Variants in KCNH7 observed in about 807,000 individuals in gnomAD.
KCNH7 encodes voltage-gated inwardly rectifying potassium channel KCNH7.
Under a neutral mutation model 120.8 loss-of-function variants are expected in KCNH7, and 49 were observed. That is an observed-to-expected ratio of 0.41 (90% confidence interval 0.32 to 0.51). The LOEUF (loss-of-function observed/expected upper bound fraction) is 0.51. Ranked by LOEUF, KCNH7 falls within the 20% of genes least tolerant of loss-of-function variation. The pLI is 0.38. For missense variants in KCNH7, 1,097 were observed against 1,446.6 expected, an observed-to-expected ratio of 0.76 and a Z score of 3.92; for synonymous variants, 547 against 516.1, an observed-to-expected ratio of 1.06 and a Z score of -0.81.
At chr2:162,560,793 T>A (rs990654640) in intron 2 of KCNH7, among the ~76,000 whole-genome samples, 3 of 152,226 alleles carry the variant, frequency 2.0e-5, no homozygotes, top group African/African-American at 4.8e-5. Flanking sequence ...AATATAGTTT[T>A]ATTACTACAA....
intron 2 of KCNH7, among the ~76,000 whole-genome samples, chr2:162,660,905 C>A (rs1025750902): frequency 6.6e-6 from 1 of 152,104 alleles, no homozygotes; most frequent in African/African-American, 2.4e-5. Flanking sequence ...TTATTAGATA[C>A]CAGTAGACCC....
At chr2:162,825,502 G>C (rs948922486) in intron 2 of KCNH7, among the ~76,000 whole-genome samples, 4 of 151,748 alleles carry the variant, frequency 2.6e-5, no homozygotes, top group Non-Finnish European at 1.5e-5. Context: ...ATACCTTTTT[G>C]CTGTTATAAT....
intron 2 of KCNH7, among the ~76,000 whole-genome samples, chr2:162,631,574 T>C (rs1044311579): frequency 6.0e-5 from 9 of 151,120 alleles, no homozygotes; most frequent in Non-Finnish European, 1.2e-4. Flanking sequence ...GAAAAATCTG[T>C]GAAGAAAAAG....
intron 2 of KCNH7, among the ~76,000 whole-genome samples, chr2:162,728,670 T>C (rs1165121017): frequency 2.6e-5 from 4 of 152,046 alleles, no homozygotes; most frequent in Non-Finnish European, 4.4e-5. Flanking sequence ...CCTAGCTACT[T>C]GCAAGGCTGA....
intron 2 of KCNH7, among the ~76,000 whole-genome samples, chr2:162,552,547 A>G (rs1197095710): frequency 2.0e-5 from 3 of 152,200 alleles, no homozygotes; most frequent in Non-Finnish European, 4.4e-5. Context: ...TGCTGTGGAA[A>G]TGAAAGACTT....
At chr2:162,811,408 G>A (rs1684729052) in intron 2 of KCNH7, among the ~76,000 whole-genome samples, 1 of 152,192 alleles carries the variant, frequency 6.6e-6, no homozygotes, top group South Asian at 2.1e-4. Context: ...TAGGTATCGT[G>A]TTTGCCAAAG....
At chr2:162,412,164 C>T (rs1445347996) in intron 9 of KCNH7, among the ~76,000 whole-genome samples, 1 of 151,760 alleles carries the variant, frequency 6.6e-6, no homozygotes, top group Non-Finnish European at 1.5e-5. Flanking sequence ...TAGTTTTATT[C>T]TTTATTATCT....
chr2:162,500,996 G>T (rs1263038768), intron 6 of KCNH7, among the ~76,000 whole-genome samples: 1 of 152,080 alleles, frequency 6.6e-6, no homozygotes, highest in Non-Finnish European at 1.5e-5. Context: ...ATGAGTTATT[G>T]AAGAGCTCTG....
At chr2:162,683,834 GA>G (rs558789143) in intron 2 of KCNH7, among the ~76,000 whole-genome samples, 1 of 151,204 alleles carries the variant, frequency 6.6e-6, no homozygotes, top group Non-Finnish European at 1.5e-5. Flanking sequence ...TCACAAATTA[GA>G]AAAAAAATAC....
At chr2:162,603,018 C>T (rs1159401553) in intron 2 of KCNH7, among the ~76,000 whole-genome samples, 6 of 150,906 alleles carry the variant, frequency 4.0e-5, no homozygotes, top group African/African-American at 1.5e-4. Flanking sequence ...GCAGGGACTA[C>T]ACAGGGTTGG....
At chr2:162,582,839 G>A (rs1693923056) in intron 2 of KCNH7, among the ~76,000 whole-genome samples, 1 of 152,084 alleles carries the variant, frequency 6.6e-6, no homozygotes, top group Admixed American at 6.6e-5. Context: ...CAGATAAGGA[G>A]ATTAAACCTG....
chr2:162,488,220 C>T (rs1488636678), intron 6 of KCNH7, among the ~76,000 whole-genome samples: 1 of 152,178 alleles, frequency 6.6e-6, no homozygotes, highest in Non-Finnish European at 1.5e-5. Context: ...GTACTCAAGC[C>T]AAGTTAAATT....
At chr2:162,733,853 T>G (rs1687812737) in intron 2 of KCNH7, among the ~76,000 whole-genome samples, 1 of 152,188 alleles carries the variant, frequency 6.6e-6, no homozygotes, top group South Asian at 2.1e-4. Context: ...GTATAAATAT[T>G]TCCTCCTTAG....
At chr2:162,418,996 T>G (rs1053808173) in intron 9 of KCNH7, among the ~76,000 whole-genome samples, 1 of 151,948 alleles carries the variant, frequency 6.6e-6, no homozygotes, top group Admixed American at 6.6e-5. Flanking sequence ...CTCCCTGTCT[T>G]GAGCTACACT....
chr2:162,436,937 C>T (rs531747614), intron 7 of KCNH7, among the ~76,000 whole-genome samples: 84 of 151,868 alleles, frequency 5.5e-4, no homozygotes, highest in Middle Eastern at 3.4e-3. Context: ...TAGTGAGACT[C>T]GGCCTATACA....
intron 11 of KCNH7, 96 bp from the exon 12 acceptor site, chr2:162,394,581 C>A: frequency 1.4e-6 from 1 of 720,434 alleles, no homozygotes; most frequent in Non-Finnish European, 2.3e-6. Flanking sequence ...ATTGTTTCAA[C>A]CATCTTGAGA....
chr2:162,729,162 A>ATTT (rs1412794660), intron 2 of KCNH7, among the ~76,000 whole-genome samples: 3,758 of 119,804 alleles, frequency 0.031, 273 homozygotes, highest in African/African-American at 0.12. Flanking sequence ...ATATACCCAA[A>ATTT]TTTTTTTTTT....
intron 2 of KCNH7, among the ~76,000 whole-genome samples, chr2:162,629,037 C>T (rs1373776613): frequency 6.6e-6 from 1 of 152,058 alleles, no homozygotes; most frequent in Non-Finnish European, 1.5e-5. Flanking sequence ...GCCACCCCCA[C>T]CCACACCATC....
At chr2:162,744,687 C>T (rs1688254330) in intron 2 of KCNH7, among the ~76,000 whole-genome samples, 3 of 151,662 alleles carry the variant, frequency 2.0e-5, no homozygotes, top group African/African-American at 7.3e-5. Context: ...ATTCTCCTGC[C>T]TCAGCCTCCC....
Sources: gnomAD v4.1 joint callset for allele counts (sites outside exome capture counted in the v4.1 genomes callset) on GRCh38, gnomAD v4.1.1 for gene constraint, MANE v1.5 for transcripts, NCBI Gene and HGNC (gene_info 2026-07-23, HGNC 2026-07-21) for gene names.